Variants in CARMIL1 observed in about 807,000 individuals in gnomAD.
CARMIL1 encodes the protein F-actin-uncapping protein LRRC16A.
CARMIL1 carries 90 observed loss-of-function variants against 177.1 expected under a neutral mutation model. The observed-to-expected ratio is 0.51, with a 90% CI of 0.43 to 0.61. The LOEUF (loss-of-function observed/expected upper bound fraction) is 0.61. Among genes scored for constraint, CARMIL1 ranks in the 20% least tolerant of loss-of-function variants. The pLI, the probability that CARMIL1 is intolerant of heterozygous loss-of-function variation, is 0.00. For missense variants in CARMIL1, 1,380 were observed against 1,667.0 expected, an observed-to-expected ratio of 0.83 and a Z score of 3.00; for synonymous variants, 577 against 606.2, an observed-to-expected ratio of 0.95 and a Z score of 0.71.
chr6:25,429,748 T>C (rs1378185334), intron 4 of CARMIL1, among the ~76,000 whole-genome samples: 1 of 151,728 alleles, frequency 6.6e-6, no homozygotes, highest in African/African-American at 2.4e-5. Context: ...TCTTTCTTTT[T>C]TTAAGCTTCT....
intron 24 of CARMIL1, among the ~76,000 whole-genome samples, chr6:25,529,318 T>C (rs1807482482): frequency 6.6e-6 from 1 of 152,170 alleles, no homozygotes. Context: ...CCGAGATTCT[T>C]TTGAAGAAAA....
At chr6:25,365,740 G>A (rs1040536481) in intron 2 of CARMIL1, among the ~76,000 whole-genome samples, 2 of 152,038 alleles carry the variant, frequency 1.3e-5, no homozygotes, top group African/African-American at 4.8e-5. Flanking sequence ...TAGTAGAGAT[G>A]GGGTTTTGCC....
At position 25,518,938 on chromosome 6, in the gene CARMIL1, GCAAA is replaced by G. The variant is rs1255281232; in HGVS notation, c.1875-1301_1875-1298del. ...TTTCATTTGGCTGGATTTTCTGAAG[GCAAA>G]CAAAAACAATTTTGCTAAAACAAAG... On this transcript the variant is annotated intron_variant, in intron 22 of 36. Coordinates refer to ENST00000329474, the MANE Select transcript of CARMIL1 (RefSeq NM_017640.6). Among the ~76,000 whole-genome samples, 3 of 152,130 alleles carry G rather than the reference GCAAA, an allele frequency of 2.0e-5. No homozygotes were observed. The East Asian group carries it at 5.8e-4, about 29-fold the overall frequency.
intron 2 of CARMIL1, among the ~76,000 whole-genome samples, chr6:25,351,858 A>T (rs1045791426): frequency 1.3e-5 from 2 of 151,518 alleles, no homozygotes; most frequent in African/African-American, 4.9e-5. Context: ...TCCTGACAAT[A>T]TGAAAAAAAA....
intron 8 of CARMIL1, among the ~76,000 whole-genome samples, chr6:25,461,456 C>T (rs552108752): frequency 4.6e-5 from 7 of 152,302 alleles, no homozygotes; most frequent in East Asian, 1.9e-4. Context: ...GTGCTTGATG[C>T]TGGCTGGCTG....
At chr6:25,383,431 G>A (rs1791805062) in intron 2 of CARMIL1, among the ~76,000 whole-genome samples, 1 of 152,094 alleles carries the variant, frequency 6.6e-6, no homozygotes. Context: ...ATGTCCTTCT[G>A]GTGACATTAA....
chr6:25,310,962 C>T (rs1415493239), intron 2 of CARMIL1, among the ~76,000 whole-genome samples: 1 of 151,904 alleles, frequency 6.6e-6, no homozygotes, highest in Non-Finnish European at 1.5e-5. Flanking sequence ...GGGTGGATCA[C>T]CTGAGGTCAG....
At chr6:25,518,355 T>C (rs1160589249) in intron 22 of CARMIL1, among the ~76,000 whole-genome samples, 9 of 152,208 alleles carry the variant, frequency 5.9e-5, no homozygotes, top group Admixed American at 5.9e-4. Flanking sequence ...TTTCATGAAA[T>C]GAGAGGATTA....
intron 2 of CARMIL1, among the ~76,000 whole-genome samples, chr6:25,390,502 T>C (rs563060380): frequency 6.6e-6 from 1 of 151,518 alleles, no homozygotes; most frequent in East Asian, 1.9e-4. Context: ...TATATTTTTT[T>C]GTAGAGATGG....
intron 2 of CARMIL1, among the ~76,000 whole-genome samples, chr6:25,372,853 C>T (rs999733310): frequency 6.6e-6 from 1 of 152,140 alleles, no homozygotes; most frequent in Non-Finnish European, 1.5e-5. Flanking sequence ...CAACTTTTCC[C>T]CTTCAGTATG....
intron 26 of CARMIL1, among the ~76,000 whole-genome samples, chr6:25,543,893 A>G (rs1809159047): frequency 6.6e-6 from 1 of 152,168 alleles, no homozygotes; most frequent in Admixed American, 6.5e-5. Flanking sequence ...CATGTTAAGG[A>G]TATGAATCCA....
Position 25,554,044 on chromosome 6 carries a change from A to G in CARMIL1, c.2540A>G (p.Asp847Gly). The G allele has an allele frequency of 6.2e-7, 1 of 1,602,716 alleles. No individual in the cohort carries two copies. The highest frequency in any genetic ancestry group is 1.3e-5 in the African/African-American group (1 of 74,880). The change falls in exon 28 of 37, where the codon GAT becomes GGT. Residue 847 changes from aspartate (D) to glycine (G), a missense_variant. Transcript: ENST00000329474. This position sits in a 1 kb window ranked among gnomAD's most constrained non-coding sequence, Gnocchi z 4.6. ...VKLTVASFLS[D>G]RIVDEILDAL... ...TTGACAGTGGCCTCGTTCCTGTCTG[A>G]TAGAATTGTGGATGAAATCCTGGAT...
intron 11 of CARMIL1, 53 bp from the exon 12 acceptor site, chr6:25,482,200 TAAAA>T: frequency 1.2e-6 from 1 of 832,288 alleles, no homozygotes. Flanking sequence ...TCATCCATTG[TAAAA>T]AATGCAATTC....
intron 36 of CARMIL1, 106 bp from the exon 37 acceptor site, chr6:25,619,341 C>T (rs1173544472): frequency 1.7e-6 from 2 of 1,145,738 alleles, no homozygotes; most frequent in African/African-American, 1.6e-5. Flanking sequence ...ACCCTGGCCC[C>T]CTCCCCTCCC....
chr6:25,399,417 G>T (rs1793707822), intron 2 of CARMIL1, among the ~76,000 whole-genome samples: 1 of 152,176 alleles, frequency 6.6e-6, no homozygotes, highest in African/African-American at 2.4e-5. Flanking sequence ...AGACCCGAAT[G>T]TTCTAAGTGT....
intron 29 of CARMIL1, among the ~76,000 whole-genome samples, chr6:25,561,217 TTTAG>T (rs1311656614): frequency 6.6e-6 from 1 of 152,212 alleles, no homozygotes; most frequent in African/African-American, 2.4e-5. Flanking sequence ...AGGATGCAGT[TTTAG>T]TTCTACTGAT....
chr6:25,612,802 G>T, intron 36 of CARMIL1: 1 of 985,292 alleles, frequency 1.0e-6, no homozygotes, highest in Non-Finnish European at 1.2e-6. Flanking sequence ...TTCCAGTAGA[G>T]GGAAAAGATC....
At chr6:25,341,320 T>C (rs1786912220) in intron 2 of CARMIL1, among the ~76,000 whole-genome samples, 1 of 151,956 alleles carries the variant, frequency 6.6e-6, no homozygotes, top group Non-Finnish European at 1.5e-5. Context: ...GTGTTCAGAG[T>C]CATAAGGAAA....
At chr6:25,419,924 A>G (rs1390195525) in intron 2 of CARMIL1, among the ~76,000 whole-genome samples, 190 bp from the exon 3 acceptor site, 1 of 152,214 alleles carries the variant, frequency 6.6e-6, no homozygotes, top group Non-Finnish European at 1.5e-5. Context: ...ACTTTGATAC[A>G]GGGACTCTTT....
Sources: gnomAD v4.1 joint callset for allele counts (sites outside exome capture counted in the v4.1 genomes callset) on GRCh38, gnomAD v4.1.1 for gene constraint, Gnocchi (gnomAD v3.1) non-coding constraint, MANE v1.5 for transcripts, NCBI Gene and HGNC (gene_info 2026-07-23, HGNC 2026-07-21) for gene names.